STK32C: variants seen among roughly 807,000 people sequenced by gnomAD.
STK32C encodes serine/threonine kinase 32C, also known as serine/threonine-protein kinase 32C.
Under a neutral mutation model 56.5 loss-of-function variants are expected in STK32C, and 31 were observed. That is an observed-to-expected ratio of 0.55 (90% CI 0.41 to 0.74). STK32C has a LOEUF of 0.74. STK32C is among the 30% of genes least tolerant of loss of function. The pLI is 0.00. For synonymous variants in STK32C, 309 were observed against 289.4 expected (o/e 1.07, Z -0.69); for missense variants, 544 against 676.9 (o/e 0.80, Z 2.18).
intron 1 of STK32C, 77 bp from the exon 2 acceptor site, chr10:132,246,032 T>C (rs1183345848): frequency 1.4e-6 from 2 of 1,381,994 alleles, no homozygotes; most frequent in African/African-American, 1.4e-5. Flanking sequence ...CACCTCAACA[T>C]CCCCCACCCC....
At chr10:132,278,696 C>T (rs1022701326) in intron 1 of STK32C, among the ~76,000 whole-genome samples, 2 of 147,336 alleles carry the variant, frequency 1.4e-5, no homozygotes, top group South Asian at 2.1e-4. Flanking sequence ...GGAGGCGGAG[C>T]TTGCAGTGAG....
chr10:132,211,419 G>A (rs754401235), intron 10 of STK32C, among the ~76,000 whole-genome samples: 13 of 152,310 alleles, frequency 8.5e-5, no homozygotes, highest in East Asian at 1.9e-4. Context: ...ATCCTGCAAC[G>A]TCCACAGCCA....
chr10:132,249,158 G>A (rs1490047713), intron 1 of STK32C: 1 of 421,212 alleles, frequency 2.4e-6, no homozygotes, highest in African/African-American at 2.1e-5. Context: ...GGCGGGGCGT[G>A]CAGGGGGCGG....
In STK32C at chr10:132,231,152, A is replaced by G. The variant is rs190852681; in HGVS notation, c.319-3024T>C. The stretch of plus-strand genomic sequence containing the variant: ...CTGCTCTCCCCGTCACACGCATCCC[A>G]TCACCCACAGCCAGGGAGCAGGGAC... On this transcript the variant is annotated intron_variant, in intron 2 of 11. Transcript: ENST00000298630. Among the ~76,000 whole-genome samples the G allele has an allele frequency of 2.4e-4, 37 of 152,276 alleles. No homozygotes were observed. The East Asian group carries it at 6.6e-3, about 27-fold the overall frequency.
intron 1 of STK32C, among the ~76,000 whole-genome samples, chr10:132,258,148 G>A (rs990167417): frequency 3.3e-5 from 5 of 152,194 alleles, no homozygotes; most frequent in East Asian, 1.9e-4. Context: ...CCAGGACATC[G>A]GCCCTGACCT....
At chr10:132,296,248 A>C (rs1590427824) in intron 1 of STK32C, among the ~76,000 whole-genome samples, 1 of 152,058 alleles carries the variant, frequency 6.6e-6, no homozygotes, top group East Asian at 1.9e-4. Flanking sequence ...CAAGTTTGAG[A>C]AACGGTCACA....
chr10:132,242,541 G>A (rs1443893852), intron 2 of STK32C, among the ~76,000 whole-genome samples: 10 of 151,676 alleles, frequency 6.6e-5, no homozygotes, highest in South Asian at 6.2e-4. Context: ...ACCCTCCCCC[G>A]GGAGAGGGGC....
chr10:132,240,798 A>T (rs897324822), intron 2 of STK32C, among the ~76,000 whole-genome samples: 2 of 151,878 alleles, frequency 1.3e-5, no homozygotes, highest in Non-Finnish European at 2.9e-5. Context: ...GAGGGCAGAG[A>T]CCCACTTAGG....
intron 1 of STK32C, among the ~76,000 whole-genome samples, chr10:132,265,204 G>A (rs112971932): frequency 1.4e-5 from 2 of 144,294 alleles, no homozygotes; most frequent in African/African-American, 5.8e-5. Context: ...GGGCAGTGAG[G>A]TGGGCTCTGG....
chr10:132,239,567 T>C (rs2063427353), intron 2 of STK32C, among the ~76,000 whole-genome samples: 1 of 152,104 alleles, frequency 6.6e-6, no homozygotes, highest in South Asian at 2.1e-4. Flanking sequence ...CTGAGCGGGG[T>C]GGCCAGGCAG....
chr10:132,221,520 A>G (rs1453142604), intron 10 of STK32C, among the ~76,000 whole-genome samples: 2 of 95,284 alleles, frequency 2.1e-5, no homozygotes, highest in South Asian at 8.7e-4. Flanking sequence ...ACACACAACT[A>G]ATATCAACGC....
chr10:132,305,504 G>A (rs1004054911), intron 1 of STK32C, among the ~76,000 whole-genome samples: 5 of 152,124 alleles, frequency 3.3e-5, no homozygotes, highest in Non-Finnish European at 7.3e-5. Context: ...CAGTAAACTC[G>A]AGACACCAAC....
chr10:132,276,798 A>AAC (rs1415413128), intron 1 of STK32C, among the ~76,000 whole-genome samples: 3 of 151,204 alleles, frequency 2.0e-5, no homozygotes, highest in Admixed American at 2.0e-4. Context: ...AAAAAAAAAA[A>AAC]CCCAATGTAT....
At chr10:132,218,708 C>A (rs946127929) in intron 10 of STK32C, among the ~76,000 whole-genome samples, 38 of 152,030 alleles carry the variant, frequency 2.5e-4, no homozygotes, top group Non-Finnish European at 4.4e-4. Context: ...ATGTGCCCCC[C>A]AAAAATAAAA....
At chr10:132,272,429 C>A (rs1414734479) in intron 1 of STK32C, among the ~76,000 whole-genome samples, 1 of 152,182 alleles carries the variant, frequency 6.6e-6, no homozygotes, top group Non-Finnish European at 1.5e-5. Flanking sequence ...GTCTGAAACC[C>A]ACAACCCAAA....
At position 132,313,325 on chromosome 10, in the gene STK32C, C is replaced by T. The variant is rs562362695; in HGVS notation, c.301+18111G>A. Among the ~76,000 whole-genome samples the T allele has an allele frequency of 9.2e-5, 14 of 152,352 alleles. 1 individual carries two copies. The South Asian group carries it at 2.1e-3, about 23-fold the overall frequency. On this transcript the variant is annotated intron_variant, in intron 1 of 3. Coordinates refer to the STK32C transcript ENST00000368620. ...TGGCCTTGAGATGAGCAACATTAAA[C>T]GCCGTGGCTGTTTACCATCCACACA...
chr10:132,272,996 G>A (rs569522580), intron 1 of STK32C, among the ~76,000 whole-genome samples: 9 of 152,262 alleles, frequency 5.9e-5, no homozygotes, highest in African/African-American at 1.7e-4. Flanking sequence ...AGAGCCGCAC[G>A]CTTTGCACCC....
intron 1 of STK32C, among the ~76,000 whole-genome samples, chr10:132,302,209 A>C (rs535648808): frequency 1.7e-4 from 26 of 152,330 alleles, no homozygotes; most frequent in African/African-American, 6.3e-4. Flanking sequence ...TCAATCCCTC[A>C]ACAAAATCAC....
intron 2 of STK32C, among the ~76,000 whole-genome samples, chr10:132,231,445 T>C (rs1247793533): frequency 1.3e-5 from 2 of 152,162 alleles, no homozygotes; most frequent in Non-Finnish European, 2.9e-5. Flanking sequence ...TCAACTGCAG[T>C]TCAAGAAAAG....
Sources: gnomAD v4.1 joint callset for allele counts (sites outside exome capture counted in the v4.1 genomes callset) on GRCh38, gnomAD v4.1.1 for gene constraint, MANE v1.5 for transcripts, NCBI Gene and HGNC (gene_info 2026-07-23, HGNC 2026-07-21) for gene names.